The following MCHR2 variants were observed in gnomAD, a reference collection of about 807,000 sequenced individuals.
MCHR2 encodes the protein melanin concentrating hormone receptor 2.
Under a neutral mutation model 24.8 loss-of-function variants are expected in MCHR2, and 15 were observed. That is an observed-to-expected ratio of 0.60 (90% CI 0.40 to 0.93). MCHR2 has a LOEUF of 0.93. MCHR2 is among the 40% of genes least tolerant of loss of function. MCHR2 has a pLI of 0.00. For synonymous variants in MCHR2, 151 were observed against 147.6 expected (o/e 1.02, Z -0.17); for missense variants, 386 against 408.7 (o/e 0.94, Z 0.48).
chr6:99,950,106 T>A (rs2114532800), intron 2 of MCHR2, among the ~76,000 whole-genome samples: 1 of 152,156 alleles, frequency 6.6e-6, no homozygotes, highest in East Asian at 1.9e-4. Context: ...GTGGGAACAG[T>A]GCAGGCCATT....
intron 5 of MCHR2, among the ~76,000 whole-genome samples, chr6:99,932,440 G>A (rs576342533): frequency 2.0e-5 from 3 of 152,248 alleles, no homozygotes; most frequent in Admixed American, 2.0e-4. Flanking sequence ...CCCTTTGAAG[G>A]TAGGCTATGT....
chr6:99,990,264 G>C (rs192178316), intron 1 of MCHR2, among the ~76,000 whole-genome samples: 36 of 152,254 alleles, frequency 2.4e-4, no homozygotes, highest in African/African-American at 8.7e-4. Flanking sequence ...CATAGCAAAA[G>C]CTTTGCCAAT....
intron 3 of MCHR2, among the ~76,000 whole-genome samples, chr6:99,945,450 G>A (rs1446569141): frequency 6.6e-6 from 1 of 152,080 alleles, no homozygotes; most frequent in East Asian, 1.9e-4. Context: ...TGGCTATGGA[G>A]GTAGAAGCCC....
intron 2 of MCHR2, among the ~76,000 whole-genome samples, chr6:99,950,875 A>AC (rs1774952066): frequency 6.6e-6 from 1 of 152,178 alleles, no homozygotes; most frequent in African/African-American, 2.4e-5. Context: ...ACAAAACATA[A>AC]CACTACGCAT....
At chr6:99,927,952 A>C (rs1325786616) in intron 5 of MCHR2, among the ~76,000 whole-genome samples, 4 of 152,178 alleles carry the variant, frequency 2.6e-5, no homozygotes, top group Non-Finnish European at 5.9e-5. Context: ...TTGCCCATTC[A>C]GTATGATATT....
At chr6:99,989,948 G>A (rs933758045) in intron 1 of MCHR2, among the ~76,000 whole-genome samples, 4 of 151,976 alleles carry the variant, frequency 2.6e-5, no homozygotes, top group African/African-American at 9.7e-5. Context: ...TTTAGTTGGA[G>A]AAAAAATTCA....
At chr6:99,926,834 A>G (rs1326743317) in intron 5 of MCHR2, among the ~76,000 whole-genome samples, 4 of 152,030 alleles carry the variant, frequency 2.6e-5, no homozygotes, top group African/African-American at 9.7e-5. Context: ...GAAGCTCTTC[A>G]GTTTAATTAG....
chr6:99,986,912 C>T (rs1437451404), intron 1 of MCHR2, among the ~76,000 whole-genome samples: 2 of 150,032 alleles, frequency 1.3e-5, no homozygotes, highest in South Asian at 4.2e-4. Context: ...ATACATGGAC[C>T]CTTAAGTATA....
intron 3 of MCHR2, among the ~76,000 whole-genome samples, chr6:99,945,993 A>G (rs1204935900): frequency 1.3e-5 from 2 of 152,158 alleles, no homozygotes; most frequent in African/African-American, 4.8e-5. Flanking sequence ...CATTTACAGT[A>G]AGAGATTTAT....
At chr6:99,930,708 C>A (rs967432092) in intron 5 of MCHR2, among the ~76,000 whole-genome samples, 1 of 152,156 alleles carries the variant, frequency 6.6e-6, no homozygotes, top group Non-Finnish European at 1.5e-5. Context: ...TTAAGCACTT[C>A]TCTGTATTGG....
intron 5 of MCHR2, among the ~76,000 whole-genome samples, chr6:99,925,145 A>T (rs192212595): frequency 3.3e-5 from 5 of 152,098 alleles, no homozygotes; most frequent in Middle Eastern, 3.4e-3. Flanking sequence ...CCTTTTTATC[A>T]TTATATGGTG....
At chr6:99,934,770 G>A (rs1466676894) in intron 4 of MCHR2, among the ~76,000 whole-genome samples, 2 of 152,028 alleles carry the variant, frequency 1.3e-5, no homozygotes, top group Non-Finnish European at 2.9e-5. Flanking sequence ...GAATAAGTGA[G>A]GCTACCTATT....
At chr6:99,971,651 G>A (rs1209821914) in intron 1 of MCHR2, among the ~76,000 whole-genome samples, 3 of 151,300 alleles carry the variant, frequency 2.0e-5, no homozygotes, top group Non-Finnish European at 4.4e-5. Context: ...TTTTCAAAGG[G>A]AATGCTTCCA....
rs529317222 is a variant in MCHR2, at chr6:99,919,621, G to T, written c.*1319C>A. ...TATATAAGTCTAAAGAGGAAAGATA[G>T]ATATAATGAATACCTATGAAAATTT... is the stretch of plus-strand genomic sequence containing the variant. On this transcript the variant is annotated 3_prime_UTR_variant, in exon 6 of 6. Transcript: ENST00000281806. Among the ~76,000 whole-genome samples the T allele has an allele frequency of 1.3e-5, 2 of 151,910 alleles. No homozygotes were observed. Among genetic ancestry groups the T allele is most frequent in the African/African-American group, 4.8e-5 (2 of 41,460 alleles).
At chr6:99,963,533 A>G (rs1157299661) in intron 1 of MCHR2, among the ~76,000 whole-genome samples, 1 of 152,138 alleles carries the variant, frequency 6.6e-6, no homozygotes, top group East Asian at 1.9e-4. Flanking sequence ...TTGTTGAATG[A>G]ATATAAAGTT....
At chr6:99,986,182 G>T (rs1349389748) in intron 1 of MCHR2, among the ~76,000 whole-genome samples, 1 of 152,086 alleles carries the variant, frequency 6.6e-6, no homozygotes, top group Non-Finnish European at 1.5e-5. Flanking sequence ...AACAGATATT[G>T]GGAAGGATGC....
Position 99,934,408 on chromosome 6 carries a change from C to G in MCHR2, c.697G>C (p.Asp233His), listed in dbSNP as rs1318557739. The G allele has an allele frequency of 6.9e-6, 11 of 1,590,646 alleles. No homozygotes were observed. The highest frequency in any genetic ancestry group is 1.4e-5 in the African/African-American group (1 of 73,242). ...YTWEMYQQNK[D>H]ARCCNPSVPK... ...AAGGCAAACACTTACCATCTGGCAT[C>G]CTTATTCTGTTGATACATCTCCCAA... The change falls in exon 5 of 6, where the codon GAT becomes CAT. Residue 233 changes from aspartate (D) to histidine (H), a missense_variant. By Grantham distance (81) the Asp-to-His change is moderately conservative. Transcript: ENST00000281806.
Position 99,993,733 on chromosome 6 carries a change from G to C in MCHR2, c.-28+203C>G, listed in dbSNP as rs369981957. Among the ~76,000 whole-genome samples, 5 of 152,154 alleles carry C rather than the reference G, an allele frequency of 3.3e-5. No individual in the cohort carries two copies. The East Asian group carries it at 9.7e-4, about 30-fold the overall frequency. On this transcript the variant is annotated intron_variant, in intron 1 of 5. Coordinates refer to ENST00000281806, the MANE Select transcript of MCHR2 (RefSeq NM_001040179.2). ...CCACCCACCCGCCCCGCTCCGTCTC[G>C]TAGGTGCCTCCACAGAGCCAAACTT...
At position 99,933,612 on chromosome 6, in the gene MCHR2, G is replaced by T. The variant is rs71566308; in HGVS notation, c.707+786C>A. Among the ~76,000 whole-genome samples the T allele has an allele frequency of 1.5e-3, 224 of 150,620 alleles. 1 individual carries two copies. Among genetic ancestry groups the T allele is most frequent in the Non-Finnish European group, 2.7e-3 (180 of 67,510 alleles). Reference sequence around the variant, plus strand: ...TCAAGGGTTTGCCACAAATTTTGAGGAATGGTGGTTAAGTTGCTCACATTT... The same window carrying T: ...TCAAGGGTTTGCCACAAATTTTGAGTAATGGTGGTTAAGTTGCTCACATTT... On this transcript the variant is annotated intron_variant, in intron 5 of 5. Coordinates refer to ENST00000281806, the MANE Select transcript of MCHR2 (RefSeq NM_001040179.2).
Sources: allele counts gnomAD v4.1 joint callset (sites outside exome capture counted in the v4.1 genomes callset), GRCh38; gene constraint gnomAD v4.1.1; transcripts MANE v1.5; gene names NCBI Gene and HGNC (gene_info 2026-07-23, HGNC 2026-07-21).